Variants in SPTLC1 observed in about 807,000 individuals in gnomAD.
SPTLC1 encodes the protein serine palmitoyltransferase 1.
In SPTLC1, 55 loss-of-function variants were observed where a neutral mutation model predicts 68.9. The ratio of observed to expected loss-of-function variants is 0.80; its 90% CI spans 0.64 to 1.00. The LOEUF (loss-of-function observed/expected upper bound fraction) is 1.00. Ranked by LOEUF, SPTLC1 falls within the 50% of genes least tolerant of loss-of-function variation. SPTLC1 has a pLI of 0.00. For synonymous variants in SPTLC1, 197 were observed against 201.6 expected, an observed-to-expected ratio of 0.98 and a Z score of 0.19; for missense variants, 449 against 573.1, an observed-to-expected ratio of 0.78 and a Z score of 2.21.
intron 3 of SPTLC1, among the ~76,000 whole-genome samples, chr9:92,088,028 G>A (rs549112930): frequency 5.0e-4 from 76 of 152,372 alleles, no homozygotes; most frequent in Non-Finnish European, 9.0e-4. Flanking sequence ...GCGAGACTGT[G>A]TGGGCGTAGG....
chr9:92,085,030 G>A (rs1835055533), intron 3 of SPTLC1, among the ~76,000 whole-genome samples: 1 of 151,828 alleles, frequency 6.6e-6, no homozygotes, highest in Non-Finnish European at 1.5e-5. Flanking sequence ...TATTTGCGTA[G>A]AGGTGTTTGT....
intron 3 of SPTLC1, among the ~76,000 whole-genome samples, chr9:92,092,981 C>A (rs1374207306): frequency 6.6e-6 from 1 of 152,166 alleles, no homozygotes; most frequent in East Asian, 1.9e-4. Context: ...ATAAGGAATA[C>A]GTACTTTATT....
intron 3 of SPTLC1, among the ~76,000 whole-genome samples, chr9:92,089,017 G>A (rs962507463): frequency 6.6e-6 from 1 of 152,230 alleles, no homozygotes; most frequent in African/African-American, 2.4e-5. Flanking sequence ...CAGGATACAA[G>A]ACATGCAGAA....
chr9:92,049,871 GT>G, intron 9 of SPTLC1, 88 bp downstream of exon 9: 1 of 934,236 alleles, frequency 1.1e-6, no homozygotes. Context: ...AAGGAACACT[GT>G]CTTGTGCCTA....
At chr9:92,060,428 T>A (rs572519050) in intron 6 of SPTLC1, among the ~76,000 whole-genome samples, 92 of 152,186 alleles carry the variant, frequency 6.0e-4, no homozygotes, top group Non-Finnish European at 1.0e-3. Context: ...TGAGCCACCA[T>A]GAAGACACCT....
chr9:92,051,549 A>G (rs1164640720), intron 8 of SPTLC1, among the ~76,000 whole-genome samples: 1 of 152,240 alleles, frequency 6.6e-6, no homozygotes, highest in Admixed American at 6.5e-5. Context: ...AGCTTTCCTT[A>G]TAAGATCAGG....
rs754872981 is a variant in SPTLC1 at position 92,065,423 on chromosome 9, G to A, written c.560+2543C>T. On this transcript the variant is annotated intron_variant, in intron 6 of 14. Coordinates refer to ENST00000262554, the MANE Select transcript of SPTLC1 (RefSeq NM_006415.4). ...TTTCAGGTAGAGTATTTAAAATTAC[G>A]TAGCAGAATAAACAGGTTAGCAACT... Among the ~76,000 whole-genome samples, 8 of 152,046 alleles carry A rather than the reference G, an allele frequency of 5.3e-5. No homozygotes were observed. The East Asian group carries it at 7.7e-4, about 15-fold the overall frequency.
intron 5 of SPTLC1, among the ~76,000 whole-genome samples, chr9:92,072,954 C>T (rs116430292): frequency 3.3e-5 from 5 of 151,848 alleles, no homozygotes; most frequent in African/African-American, 1.2e-4. Flanking sequence ...AATCTTTCTC[C>T]CCCCAACCCA....
chr9:92,100,878 C>T (rs1244570536), intron 3 of SPTLC1, among the ~76,000 whole-genome samples: 1 of 150,846 alleles, frequency 6.6e-6, no homozygotes, highest in African/African-American at 2.4e-5. Context: ...ACAGATATTA[C>T]ACTACTGTGT....
intron 1 of SPTLC1, 37 bp downstream of exon 1, chr9:92,115,276 CG>C (rs1340223832): frequency 1.2e-6 from 2 of 1,607,374 alleles, no homozygotes; most frequent in Non-Finnish European, 1.7e-6. Flanking sequence ...TCCCCGGGCC[CG>C]GGTGTGGTCG....
At chr9:92,067,203 G>C (rs1467536887) in intron 6 of SPTLC1, among the ~76,000 whole-genome samples, 1 of 151,822 alleles carries the variant, frequency 6.6e-6, no homozygotes, top group Non-Finnish European at 1.5e-5. Context: ...GGAGACTGAG[G>C]CAGGAGAATT....
chr9:92,107,762 G>C (rs182956067), intron 3 of SPTLC1: 1 of 151,976 alleles, frequency 6.6e-6, no homozygotes, highest in African/African-American at 2.4e-5. Flanking sequence ...AAAAAAAAAA[G>C]ATTGGTAGGT....
At chr9:92,038,483 G>T in intron 12 of SPTLC1, 118 bp from the exon 13 acceptor site, 1 of 775,074 alleles carries the variant, frequency 1.3e-6, no homozygotes, top group Admixed American at 1.8e-5. Context: ...AGAAGCTTGC[G>T]ACTGATGGGA....
intron 3 of SPTLC1, among the ~76,000 whole-genome samples, chr9:92,100,180 C>T (rs1230565268): frequency 2.6e-5 from 4 of 151,942 alleles, no homozygotes; most frequent in Admixed American, 2.0e-4. Context: ...TTTGGGAGGC[C>T]GAGGCGGGCA....
chr9:92,111,140 CG>C (rs1390198832), intron 2 of SPTLC1: 1 of 152,118 alleles, frequency 6.6e-6, no homozygotes, highest in African/African-American at 2.4e-5. Flanking sequence ...AAAAAAACTC[CG>C]TATTTCCAAA....
chr9:92,043,203 G>A (rs746466162), intron 12 of SPTLC1, among the ~76,000 whole-genome samples: 7 of 152,098 alleles, frequency 4.6e-5, no homozygotes, highest in Non-Finnish European at 8.8e-5. Context: ...TGTCAGCAGC[G>A]GCATGTCACA....
chr9:92,038,362 A>C lies in SPTLC1; in HGVS notation c.1140T>G (p.Ile380Met), dbSNP rs776092965. ...ACTCCCCCACCACTTTTAATCCAGA[A>C]ATGCTGAAGAAGGGAAACACACACA... is the stretch of plus-strand genomic sequence containing the variant. ...CGQIHKALQG[I>M]SGLKVVGESL... The change falls in exon 13 of 15, where the codon ATT becomes ATG. Residue 380 changes from isoleucine to methionine, a missense_variant. Physicochemically the swap from Ile to Met is conservative, Grantham distance 10. This residue lies in a region of SPTLC1 where 391 missense variants were observed against 472.1 expected (regional missense o/e 0.83). Coordinates refer to ENST00000262554, the MANE Select transcript of SPTLC1 (RefSeq NM_006415.4). The C allele has an allele frequency of 1.2e-6, 2 of 1,600,938 alleles. No individual in the cohort carries two copies. Among genetic ancestry groups the C allele is most frequent in the South Asian group, 2.2e-5 (2 of 90,802 alleles).
chr9:92,033,798 C>T (rs757836024), intron 14 of SPTLC1, among the ~76,000 whole-genome samples: 6 of 152,164 alleles, frequency 3.9e-5, no homozygotes, highest in African/African-American at 7.2e-5. Flanking sequence ...CTGCCCACCT[C>T]GGTCTCCCAG....
intron 3 of SPTLC1, among the ~76,000 whole-genome samples, chr9:92,102,772 CA>C (rs1330307363): frequency 5.3e-5 from 8 of 152,112 alleles, no homozygotes; most frequent in Non-Finnish European, 1.0e-4. Flanking sequence ...AACCAGAAAA[CA>C]ATTAACAAAA....
Sources: gnomAD v4.1 joint callset for allele counts (sites outside exome capture counted in the v4.1 genomes callset) on GRCh38, gnomAD v4.1.1 for gene constraint, gnomAD v4.1.1 regional missense constraint, MANE v1.5 for transcripts, NCBI Gene and HGNC (gene_info 2026-07-23, HGNC 2026-07-21) for gene names.